Variants in USH2A observed in about 807,000 individuals in gnomAD.
The protein encoded by USH2A is usherin.
A neutral mutation model predicts 538.9 loss-of-function variants in USH2A; 443 were observed. The ratio of observed to expected loss-of-function variants is 0.82; its 90% CI spans 0.76 to 0.89. The LOEUF is 0.89. USH2A is among the 40% of genes least tolerant of loss of function. The pLI is 0.00. For missense variants in USH2A, 6,633 were observed against 6,324.8 expected (o/e 1.05, Z -1.65); for synonymous variants, 2,413 against 2,273.5 (o/e 1.06, Z -1.75).
intron 22 of USH2A, among the ~76,000 whole-genome samples, chr1:216,093,521 C>A (rs2032355835): frequency 6.6e-6 from 1 of 152,254 alleles, no homozygotes; most frequent in South Asian, 2.1e-4. Flanking sequence ...AACAACTAGA[C>A]CTGCCAGATG....
intron 61 of USH2A, among the ~76,000 whole-genome samples, chr1:215,720,283 G>C (rs1659618020): frequency 6.6e-6 from 1 of 152,178 alleles, no homozygotes. Context: ...TTCAAGGCAT[G>C]CAAGGAATAT....
chr1:215,743,371 C>CATATATATATATATAT lies in USH2A; in HGVS notation c.11390-52_11390-37dup, dbSNP rs376081393. ...AGAGAGAGAGAGAGAACATTAAAAACATATATATATATATATGTGTGTGTG... is the reference window on the plus strand; with the variant it reads ...AGAGAGAGAGAGAGAACATTAAAAACATATATATATATATATATATATATATATATATGTGTGTGTG... On this transcript the variant is annotated intron_variant, in intron 58 of 71. Coordinates refer to ENST00000307340, the MANE Select transcript of USH2A (RefSeq NM_206933.4). The CATATATATATATATAT allele has an allele frequency of 4.9e-5, 20 of 406,154 alleles. 1 individual carries two copies. The highest frequency in any genetic ancestry group is 1.7e-4 in the African/African-American group (6 of 35,702). The allele number at this position is 406,154 out of a possible 1,614,324, so 25.2% of individuals were successfully genotyped here.
intron 3 of USH2A, among the ~76,000 whole-genome samples, chr1:216,406,633 A>G (rs1201283782): frequency 6.6e-6 from 1 of 152,094 alleles, no homozygotes; most frequent in East Asian, 1.9e-4. Context: ...CTTGCCACCT[A>G]CCTTGTTCTC....
At chr1:216,191,160 A>C (rs1175598721) in intron 19 of USH2A, among the ~76,000 whole-genome samples, 1 of 152,044 alleles carries the variant, frequency 6.6e-6, no homozygotes. Context: ...GGCCACTAGA[A>C]ATTATATTCA....
chr1:216,324,081 G>T, intron 7 of USH2A, 87 bp downstream of exon 7: 1 of 1,418,810 alleles, frequency 7.0e-7, no homozygotes, highest in Non-Finnish European at 9.6e-7. Context: ...GTGAAGGGAA[G>T]TCTCCACCAG....
intron 32 of USH2A, among the ~76,000 whole-genome samples, chr1:216,034,653 T>G (rs893567034): frequency 2.0e-5 from 3 of 152,042 alleles, no homozygotes; most frequent in Non-Finnish European, 4.4e-5. Context: ...GTGACGCAAC[T>G]GCAAGCCACT....
rs571762622 is a variant in USH2A at position 215,741,466 on chromosome 1, C to T, written c.11620G>A (p.Val3874Ile). ...CAAGCTGACCCCAGTGCCTTAAGAA[C>T]AGGAGAATTAAGATCCATTGGGGCT... ...EAAPMDLNSP[V>I]LKALGSACIE... Residue 3874 changes from valine (V) to isoleucine (I), a missense_variant, in exon 60 of 72, where the codon GTT becomes ATT. Transcript: ENST00000307340. 4.3e-6 allele frequency: 7 copies of T among 1,613,386 alleles called. No individual in the cohort carries two copies. The South Asian group carries it at 6.6e-5, about 15-fold the overall frequency.
chr1:215,715,576 A>G (rs114684711), intron 61 of USH2A, among the ~76,000 whole-genome samples: 1,832 of 152,268 alleles, frequency 0.012, 45 homozygotes, highest in African/African-American at 0.042. Context: ...GAAAACTTCC[A>G]GAGGGGACAG....
intron 61 of USH2A, among the ~76,000 whole-genome samples, chr1:215,721,355 A>G (rs1215997144): frequency 6.6e-6 from 1 of 152,088 alleles, no homozygotes; most frequent in Non-Finnish European, 1.5e-5. Context: ...GATTACAGGC[A>G]TGAGCCATCG....
At chr1:215,832,887 C>T (rs1663365961) in intron 47 of USH2A, among the ~76,000 whole-genome samples, 1 of 151,956 alleles carries the variant, frequency 6.6e-6, no homozygotes, top group African/African-American at 2.4e-5. Flanking sequence ...GATGTAAGCT[C>T]ACTATTCCAA....
intron 40 of USH2A, among the ~76,000 whole-genome samples, chr1:215,889,866 A>G (rs529537634): frequency 6.6e-6 from 1 of 152,300 alleles, no homozygotes; most frequent in Non-Finnish European, 1.5e-5. Flanking sequence ...CATGCGACAC[A>G]ATCAAGTCAC....
chr1:215,677,221 T>C (rs1658060842), intron 62 of USH2A, among the ~76,000 whole-genome samples: 1 of 152,146 alleles, frequency 6.6e-6, no homozygotes, highest in Non-Finnish European at 1.5e-5. Context: ...AATATCTCTG[T>C]ACCTACTGAA....
chr1:216,014,736 G>T (rs1322905875), intron 32 of USH2A, among the ~76,000 whole-genome samples: 1 of 152,218 alleles, frequency 6.6e-6, no homozygotes, highest in African/African-American at 2.4e-5. Context: ...ATTATCCTTA[G>T]ACGTGTTACA....
In USH2A at chr1:215,624,038, C is replaced by G. The variant is rs1447804411; in HGVS notation, c.*1743G>C. The G allele has an allele frequency of 6.6e-6, 1 of 152,010 alleles. No individual in the cohort carries two copies. Among genetic ancestry groups the G allele is most frequent in the African/African-American group, 2.4e-5 (1 of 41,364 alleles). 9.4% of individuals were successfully genotyped at this position (152,010 alleles called of 1,614,324 possible). The stretch of plus-strand genomic sequence containing the variant: ...GCCAGCTTTAAACAACTTTATTGTC[C>G]CAGAATCGGCATATGGGAATAAAAA... On this transcript the variant is annotated 3_prime_UTR_variant, in exon 72 of 72. Coordinates refer to ENST00000307340, the MANE Select transcript of USH2A (RefSeq NM_206933.4).
At chr1:215,890,162 T>C (rs1665172307) in intron 40 of USH2A, among the ~76,000 whole-genome samples, 1 of 152,130 alleles carries the variant, frequency 6.6e-6, no homozygotes, top group South Asian at 2.1e-4. Context: ...CTAAAACAGA[T>C]CAAGAAAATA....
At chr1:216,323,745 C>A in intron 7 of USH2A, 50 bp from the exon 8 acceptor site, 1 of 1,570,932 alleles carries the variant, frequency 6.4e-7, no homozygotes, top group Non-Finnish European at 8.8e-7. Flanking sequence ...ACATTTTTGG[C>A]AAAACAGAAA....
At chr1:215,648,795 G>A (rs1257079168) in intron 65 of USH2A, 29 bp from the exon 66 acceptor site, 4 of 1,597,778 alleles carry the variant, frequency 2.5e-6, no homozygotes, top group Middle Eastern at 1.8e-4. Flanking sequence ...CTAGATAAAG[G>A]CAGTGTCAAA....
intron 16 of USH2A, among the ~76,000 whole-genome samples, chr1:216,202,330 T>C (rs1413707647): frequency 6.6e-6 from 1 of 152,202 alleles, no homozygotes; most frequent in Non-Finnish European, 1.5e-5. Flanking sequence ...AAGAGCAGTC[T>C]ACTTAATAAG....
intron 47 of USH2A, among the ~76,000 whole-genome samples, chr1:215,819,913 G>C (rs577873655): frequency 6.6e-6 from 1 of 151,792 alleles, no homozygotes; most frequent in South Asian, 2.1e-4. Context: ...AAACTCCTTT[G>C]GTTGCTGATC....
Sources: allele counts gnomAD v4.1 joint callset (sites outside exome capture counted in the v4.1 genomes callset), GRCh38; gene constraint gnomAD v4.1.1; transcripts MANE v1.5; gene names NCBI Gene and HGNC (gene_info 2026-07-23, HGNC 2026-07-21).